The following NEK7 variants were observed in gnomAD, a reference collection of about 807,000 sequenced individuals.
The protein encoded by NEK7 is NIMA related kinase 7.
Under a neutral mutation model 44.6 loss-of-function variants are expected in NEK7, and 18 were observed. The observed-to-expected ratio is 0.40, with a 90% CI of 0.28 to 0.60. The LOEUF (loss-of-function observed/expected upper bound fraction) is 0.60. Ranked by LOEUF, NEK7 falls within the 20% of genes least tolerant of loss-of-function variation. NEK7 has a pLI of 0.38. For synonymous variants in NEK7, 130 were observed against 121.1 expected, an observed-to-expected ratio of 1.07 and a Z score of -0.48; for missense variants, 256 against 366.5, an observed-to-expected ratio of 0.70 and a Z score of 2.46.
chr1:198,249,067 A>T lies in NEK7; in HGVS notation c.58-3973A>T, dbSNP rs1571570418. 3.3e-5 allele frequency among the ~76,000 whole-genome samples: 4 copies of T among 119,844 alleles called. No individual in the cohort carries two copies. The South Asian group carries it at 8.0e-4, about 24-fold the overall frequency. The allele number at this position is 119,844 out of a possible 152,430, so 78.6% of individuals were successfully genotyped here. On this transcript the variant is annotated intron_variant, in intron 2 of 9. Transcript: ENST00000367385. ...CCCCCCACCCCACAACAGTCCCCAG[A>T]GTGTGATGTTCCCCTTCCTGTGTCC...
At chr1:198,184,562 T>G (rs1234462290) in intron 1 of NEK7, among the ~76,000 whole-genome samples, 1 of 152,216 alleles carries the variant, frequency 6.6e-6, no homozygotes, top group East Asian at 1.9e-4. Context: ...ATGAAATTGA[T>G]TTGTGTTTAA....
chr1:198,189,356 A>G (rs910411123), intron 1 of NEK7, among the ~76,000 whole-genome samples: 13 of 152,178 alleles, frequency 8.5e-5, no homozygotes, highest in South Asian at 6.2e-4. Context: ...GAAAAAGTTC[A>G]TATTTATTTG....
Position 198,253,037 on chromosome 1 carries a change from C to G in NEK7, c.58-3C>G. 1 of 1,598,244 alleles carries G rather than the reference C, an allele frequency of 6.3e-7. No individual in the cohort carries two copies. Among genetic ancestry groups the G allele is most frequent in the Non-Finnish European group, 8.5e-7 (1 of 1,173,050 alleles). On this transcript the variant is annotated splice_region_variant and splice_polypyrimidine_tract_variant and intron_variant, in intron 2 of 9. Coordinates refer to ENST00000367385, the MANE Select transcript of NEK7 (RefSeq NM_133494.3). ...AAAATTTTTCTGACATTTTTAATTA[C>G]AGAAGGCCTTACGACCGGATATGGG...
intron 5 of NEK7, among the ~76,000 whole-genome samples, chr1:198,265,256 G>A (rs916292613): frequency 4.6e-5 from 7 of 152,104 alleles, no homozygotes; most frequent in African/African-American, 1.7e-4. Flanking sequence ...GGCTGGAAAA[G>A]AAAGTCTTCA....
At chr1:198,255,752 A>G (rs575586641) in intron 3 of NEK7, among the ~76,000 whole-genome samples, 3 of 152,286 alleles carry the variant, frequency 2.0e-5, no homozygotes, top group African/African-American at 7.2e-5. Flanking sequence ...TGTGACATCT[A>G]GTTTAAACCT....
intron 8 of NEK7, among the ~76,000 whole-genome samples, chr1:198,295,930 A>G (rs896153049): frequency 2.0e-5 from 3 of 151,876 alleles, no homozygotes; most frequent in Admixed American, 1.3e-4. Context: ...ATGTGAAACA[A>G]CTCTTCCTAA....
intron 2 of NEK7, among the ~76,000 whole-genome samples, chr1:198,233,825 G>A (rs187551442): frequency 1.4e-5 from 2 of 142,346 alleles, no homozygotes; most frequent in African/African-American, 2.6e-5. Flanking sequence ...TACAAAAAAC[G>A]ATCTTTTCTG....
At chr1:198,211,273 A>G (rs549062804) in intron 1 of NEK7, among the ~76,000 whole-genome samples, 23 of 152,332 alleles carry the variant, frequency 1.5e-4, no homozygotes, top group African/African-American at 5.0e-4. Flanking sequence ...GCTTTTAGCA[A>G]TGAGTGTCAG....
chr1:198,260,916 A>C (rs1055233497), intron 3 of NEK7, among the ~76,000 whole-genome samples: 1 of 151,742 alleles, frequency 6.6e-6, no homozygotes, highest in African/African-American at 2.4e-5. Context: ...GAGTTTATGG[A>C]TTTTATTTTT....
chr1:198,199,318 T>A (rs1342611180), intron 1 of NEK7, among the ~76,000 whole-genome samples: 1 of 152,120 alleles, frequency 6.6e-6, no homozygotes, highest in African/African-American at 2.4e-5. Flanking sequence ...GACCAGTCAT[T>A]GGATGCAGCT....
intron 1 of NEK7, among the ~76,000 whole-genome samples, chr1:198,222,825 A>T (rs1418372770): frequency 6.6e-6 from 1 of 151,966 alleles, no homozygotes; most frequent in African/African-American, 2.4e-5. Context: ...AGACAATTAC[A>T]AATTGTTATA....
chr1:198,297,267 T>C, intron 9 of NEK7, 27 bp downstream of exon 9: 1 of 1,605,714 alleles, frequency 6.2e-7, no homozygotes, highest in Non-Finnish European at 8.5e-7. Context: ...CCACATGTTC[T>C]TCTGTTGTCC....
chr1:198,203,699 A>T (rs1294839762), intron 1 of NEK7, among the ~76,000 whole-genome samples: 2 of 152,218 alleles, frequency 1.3e-5, no homozygotes, highest in Non-Finnish European at 2.9e-5. Context: ...AGGAGCAGTC[A>T]TGACAGAAAT....
intron 1 of NEK7, among the ~76,000 whole-genome samples, chr1:198,228,532 C>T (rs1666294249): frequency 6.6e-6 from 1 of 151,062 alleles, no homozygotes; most frequent in Admixed American, 6.6e-5. Flanking sequence ...TTTGTATCCT[C>T]TTTTATTTCA....
At chr1:198,205,880 T>TATGA (rs1330594724) in intron 1 of NEK7, among the ~76,000 whole-genome samples, 1 of 152,154 alleles carries the variant, frequency 6.6e-6, no homozygotes, top group Non-Finnish European at 1.5e-5. Flanking sequence ...ATGTTAGGAA[T>TATGA]ATGAAACAAG....
At chr1:198,268,570 C>T (rs1470324784) in intron 5 of NEK7, among the ~76,000 whole-genome samples, 1 of 152,100 alleles carries the variant, frequency 6.6e-6, no homozygotes, top group Non-Finnish European at 1.5e-5. Context: ...TTCCTTAAAT[C>T]CGTTTCTCCA....
rs554172554 is a variant in NEK7 at position 198,159,115 on chromosome 1, G to A, written c.-29+1839G>A. Among the ~76,000 whole-genome samples, 10 of 152,226 alleles carry A rather than the reference G, an allele frequency of 6.6e-5. 1 individual carries two copies. Among genetic ancestry groups the A allele is most frequent in the South Asian group, 4.1e-4 (2 of 4,830 alleles). Reference sequence around the variant, plus strand: ...AGGTGCGGGCCTGAAATTCCGCTGGGTGCCGGGAGGCTCCGCCCTCCGGAG... The same window carrying A: ...AGGTGCGGGCCTGAAATTCCGCTGGATGCCGGGAGGCTCCGCCCTCCGGAG... On this transcript the variant is annotated intron_variant, in intron 1 of 9. Coordinates refer to ENST00000367385, the MANE Select transcript of NEK7 (RefSeq NM_133494.3).
intron 9 of NEK7, among the ~76,000 whole-genome samples, chr1:198,305,143 A>G (rs897531254): frequency 1.3e-5 from 2 of 152,154 alleles, no homozygotes; most frequent in Non-Finnish European, 2.9e-5. Context: ...ATGTTGTAAT[A>G]TCTACGGATA....
At chr1:198,247,078 A>C (rs1666853654) in intron 2 of NEK7, among the ~76,000 whole-genome samples, 1 of 152,226 alleles carries the variant, frequency 6.6e-6, no homozygotes, top group Admixed American at 6.5e-5. Flanking sequence ...TCTTTGTTAC[A>C]TATATATCAT....
Sources: gnomAD v4.1 joint callset for allele counts (sites outside exome capture counted in the v4.1 genomes callset) on GRCh38, gnomAD v4.1.1 for gene constraint, MANE v1.5 for transcripts, NCBI Gene and HGNC (gene_info 2026-07-23, HGNC 2026-07-21) for gene names.